LY96: variants seen among roughly 807,000 people sequenced by gnomAD.
LY96 encodes the protein myeloid differentiation protein-2.
A neutral mutation model predicts 18.9 loss-of-function variants in LY96; 18 were observed. That is an observed-to-expected ratio of 0.95 (90% CI 0.66 to 1.41). The LOEUF is 1.41. Among genes scored for constraint, LY96 ranks in the 40% most tolerant of loss-of-function variants. The probability of loss-of-function intolerance (pLI) is 0.00; values close to 1 mark genes in which losing one functional copy is unlikely to be tolerated. For missense variants in LY96, 175 were observed against 182.4 expected, an observed-to-expected ratio of 0.96 and a Z score of 0.23; for synonymous variants, 66 against 62.6, an observed-to-expected ratio of 1.06 and a Z score of -0.26.
chr8:74,097,803 C>T, the LY96 span, among the ~76,000 whole-genome samples: 1 of 152,172 alleles, frequency 6.6e-6, no homozygotes, highest in Non-Finnish European at 1.5e-5. Context: ...GGTCTTCAGA[C>T]CAGCATCATC....
At chr8:74,084,733 C>T in the LY96 span, among the ~76,000 whole-genome samples, 1 of 152,194 alleles carries the variant, frequency 6.6e-6, no homozygotes, top group Non-Finnish European at 1.5e-5. Context: ...CCTGCCTCAG[C>T]CTCCCGAGTA....
chr8:74,095,756 C>A, the LY96 span, among the ~76,000 whole-genome samples: 1 of 152,190 alleles, frequency 6.6e-6, no homozygotes, highest in Non-Finnish European at 1.5e-5. Context: ...AGGGCTCAGA[C>A]CTTAGATCGC....
At position 74,009,914 on chromosome 8, in the gene LY96, G is replaced by A. The variant is rs533147268; in HGVS notation, c.203-87G>A. 9.9e-4 allele frequency: 905 copies of A among 911,938 alleles called. 2 individuals carry two copies. The highest frequency in any genetic ancestry group is 1.4e-3 in the Non-Finnish European group (776 of 557,148). The allele number at this position is 911,938 out of a possible 1,614,324, so 56.5% of individuals were successfully genotyped here. On this transcript the variant is annotated intron_variant, in intron 2 of 4. Transcript: ENST00000284818. ...TGAAATAATGTAAGAAAAGCACAGGGCCCCTTTTAACTATACAATAAATGT... is the reference window on the plus strand; with the variant it reads ...TGAAATAATGTAAGAAAAGCACAGGACCCCTTTTAACTATACAATAAATGT...
chr8:74,095,479 G>A, the LY96 span, among the ~76,000 whole-genome samples: 1 of 152,098 alleles, frequency 6.6e-6, no homozygotes, highest in Non-Finnish European at 1.5e-5. Flanking sequence ...TATCCTTCCT[G>A]TGGGGAAAAA....
In LY96 at chr8:74,029,006, GC is replaced by G. The variant is rs1445468442; in HGVS notation, c.436del (p.Leu146SerfsTer19). On this transcript the variant is annotated frameshift_variant, in exon 5 of 5. Transcript: ENST00000284818. LOFTEE classifies it high-confidence loss of function. ...CTATTTCTGGGAGCCCAGAAGAAAT[GC>G]TCTTTTGCTTGGAGTTTGTCATCCT... ...EAISGSPEEM[L>X]FCLEFVILHQ... 6.2e-7 allele frequency: 1 copy of G among 1,612,312 alleles called. No homozygotes were observed. The highest frequency in any genetic ancestry group is 8.5e-7 in the Non-Finnish European group (1 of 1,179,106).
At chr8:74,067,312 G>A in the LY96 span, among the ~76,000 whole-genome samples, 2 of 152,242 alleles carry the variant, frequency 1.3e-5, no homozygotes, top group South Asian at 4.1e-4. Context: ...CCTCACTGTA[G>A]CCTCAACCTC....
the LY96 span, among the ~76,000 whole-genome samples, chr8:74,080,993 T>C: frequency 1.3e-5 from 1 of 78,862 alleles, no homozygotes; most frequent in African/African-American, 7.5e-5. Flanking sequence ...TCTCTTTCTT[T>C]CTTTCTTTCT....
the LY96 span, among the ~76,000 whole-genome samples, chr8:74,054,625 T>C: frequency 4.9e-5 from 5 of 102,686 alleles, no homozygotes; most frequent in African/African-American, 2.0e-4. Context: ...TCCTTCTTTC[T>C]TTCTTTCTTT....
chr8:74,040,766 G>A, the LY96 span, among the ~76,000 whole-genome samples: 4 of 137,776 alleles, frequency 2.9e-5, no homozygotes, highest in Admixed American at 8.1e-5. Flanking sequence ...GCAGTGGCAC[G>A]ATCTCAGCTC....
the LY96 span, among the ~76,000 whole-genome samples, chr8:74,043,643 G>C: frequency 6.6e-6 from 1 of 151,796 alleles, no homozygotes; most frequent in Non-Finnish European, 1.5e-5. Flanking sequence ...TTGGATACGT[G>C]GATTACATAC....
chr8:74,064,509 T>C, the LY96 span, among the ~76,000 whole-genome samples: 1 of 152,200 alleles, frequency 6.6e-6, no homozygotes, highest in Non-Finnish European at 1.5e-5. Flanking sequence ...CAGCCAACTT[T>C]AAGATTCAGA....
At chr8:74,009,048 A>C (rs1816472973) in intron 2 of LY96, among the ~76,000 whole-genome samples, 1 of 152,176 alleles carries the variant, frequency 6.6e-6, no homozygotes, top group African/African-American at 2.4e-5. Flanking sequence ...CTTACTAGGA[A>C]AATATTTTCA....
chr8:74,094,074 T>C, the LY96 span, among the ~76,000 whole-genome samples: 3 of 152,356 alleles, frequency 2.0e-5, no homozygotes, highest in East Asian at 1.9e-4. Context: ...AGTCCATTTA[T>C]GACTCAAGTA....
chr8:74,059,111 T>C, the LY96 span, among the ~76,000 whole-genome samples: 1 of 152,190 alleles, frequency 6.6e-6, no homozygotes, highest in Admixed American at 6.5e-5. Context: ...ATTCGAGTAC[T>C]AACCTCTTCT....
At chr8:74,082,951 G>T in the LY96 span, among the ~76,000 whole-genome samples, 1 of 152,228 alleles carries the variant, frequency 6.6e-6, no homozygotes, top group Admixed American at 6.5e-5. Context: ...CTGCTTCAGG[G>T]GAGAAGGCTG....
intron 3 of LY96, among the ~76,000 whole-genome samples, chr8:74,019,950 C>A (rs1211911697): frequency 6.6e-6 from 1 of 152,066 alleles, no homozygotes; most frequent in Non-Finnish European, 1.5e-5. Context: ...TATGACAAAC[C>A]CACAGCCAAT....
the LY96 span, among the ~76,000 whole-genome samples, chr8:74,062,330 G>A: frequency 0.074 from 11,169 of 151,778 alleles, 649 homozygotes; most frequent in African/African-American, 0.17. Flanking sequence ...CTGCACTTAT[G>A]AACCCATTCA....
At chr8:74,041,492 G>C in the LY96 span, among the ~76,000 whole-genome samples, 2 of 152,194 alleles carry the variant, frequency 1.3e-5, no homozygotes, top group Non-Finnish European at 2.9e-5. Context: ...TCTTCTTGGA[G>C]AGAGCCTATA....
chr8:74,088,124 AGAATAGAATAGAATAGAAT>A, the LY96 span, among the ~76,000 whole-genome samples: 3 of 151,590 alleles, frequency 2.0e-5, no homozygotes, highest in African/African-American at 7.3e-5. Context: ...AGAATAGAAT[AGAATAGAATAGAATAGAAT>A]AGAATAGAAA....
Sources: gnomAD v4.1 joint callset for allele counts (sites outside exome capture counted in the v4.1 genomes callset) on GRCh38, gnomAD v4.1.1 for gene constraint, MANE v1.5 for transcripts, NCBI Gene and HGNC (gene_info 2026-07-23, HGNC 2026-07-21) for gene names.